The following SAFB2 variants were observed in gnomAD, a reference collection of about 807,000 sequenced individuals.
SAFB2 encodes scaffold attachment factor B2.
SAFB2 carries 32 observed loss-of-function variants against 100.6 expected under a neutral mutation model. That is an observed-to-expected ratio of 0.32 (90% CI 0.24 to 0.43). The LOEUF (loss-of-function observed/expected upper bound fraction) is 0.43, where lower values mean the gene tolerates loss of function less well. Among genes scored for constraint, SAFB2 ranks in the 20% least tolerant of loss-of-function variants. The pLI, the probability that SAFB2 is intolerant of heterozygous loss-of-function variation, is 1.00. For synonymous variants in SAFB2, 500 were observed against 439.4 expected (o/e 1.14, Z -1.72); for missense variants, 1,185 against 1,163.4 (o/e 1.02, Z -0.27).
intron 2 of SAFB2, among the ~76,000 whole-genome samples, chr19:5,620,055 C>G (rs1378998879): frequency 6.6e-6 from 1 of 152,184 alleles, no homozygotes; most frequent in Non-Finnish European, 1.5e-5. Context: ...ATATTTCCTG[C>G]GTAGACCAGT....
In SAFB2 at chr19:5,613,448, A is replaced by C. The variant is rs2052953546; in HGVS notation, c.606+17T>G. 6.2e-7 allele frequency: 1 copy of C among 1,607,158 alleles called. No homozygotes were observed. On this transcript the variant is annotated intron_variant, in intron 5 of 20. Coordinates refer to ENST00000252542, the MANE Select transcript of SAFB2 (RefSeq NM_014649.3). ...CGATTAACATTTCCAGCGATGCAGAACCAGATGGTAACTTACCGGAGTTAC... is the reference window on the plus strand; with the variant it reads ...CGATTAACATTTCCAGCGATGCAGACCCAGATGGTAACTTACCGGAGTTAC...
chr19:5,604,534 G>T, intron 11 of SAFB2, 49 bp downstream of exon 11: 1 of 1,435,668 alleles, frequency 7.0e-7, no homozygotes, highest in Non-Finnish European at 9.8e-7. Context: ...GTGGCTGCCC[G>T]TGCCCTCCTC....
intron 12 of SAFB2, among the ~76,000 whole-genome samples, chr19:5,599,312 G>A (rs1037302424): frequency 1.3e-5 from 2 of 152,172 alleles, no homozygotes. Flanking sequence ...TTGCCAGACG[G>A]GTGGGCTTCC....
chr19:5,613,329 C>T lies in SAFB2; in HGVS notation c.606+136G>A, dbSNP rs1599271608. 5 of 763,808 alleles carry T rather than the reference C, an allele frequency of 6.5e-6. No individual in the cohort carries two copies. The Admixed American group carries it at 1.5e-4, about 23-fold the overall frequency. 47.3% of individuals were successfully genotyped at this position (763,808 alleles called of 1,614,324 possible). The stretch of plus-strand genomic sequence containing the variant: ...GATGGCCAGCCCTGAGACTGTTTCT[C>T]TTCTGCTAACCTCTTAACCCCAGCA... On this transcript the variant is annotated intron_variant, in intron 5 of 20. Transcript: ENST00000252542.
intron 4 of SAFB2, among the ~76,000 whole-genome samples, chr19:5,614,654 A>G (rs1304940155): frequency 2.0e-5 from 3 of 152,246 alleles, no homozygotes; most frequent in African/African-American, 4.8e-5. Flanking sequence ...TAAGGAAACA[A>G]AACAACCTAC....
Position 5,613,526 on chromosome 19 carries a change from A to C in SAFB2, c.545T>G (p.Val182Gly). Residue 182 changes from valine to glycine, a missense_variant and splice_region_variant, in exon 5 of 21, where the codon GTG becomes GGG. By Grantham distance (109) the Val-to-Gly change is moderately radical. Coordinates refer to ENST00000252542, the MANE Select transcript of SAFB2 (RefSeq NM_014649.3). ...AGTGTTCTTAAATCCTTCCCCATCCACCTGAAAAACAAAATGGAAGATGAC... is the reference window on the plus strand; with the variant it reads ...AGTGTTCTTAAATCCTTCCCCATCCCCCTGAAAAACAAAATGGAAGATGAC... Reference protein sequence around the residue: ...QLPAQPPEHAVDGEGFKNTLE... With the variant: ...QLPAQPPEHAGDGEGFKNTLE... The C allele has an allele frequency of 6.2e-7, 1 of 1,613,718 alleles. No individual in the cohort carries two copies.
In SAFB2 at chr19:5,587,739, C is replaced by T. The variant is rs375589751; in HGVS notation, c.2667G>A (p.Ser889=). Residue 889 remains serine (S), a synonymous_variant, in exon 20 of 21, where the codon TCG becomes TCA. Coordinates refer to ENST00000252542, the MANE Select transcript of SAFB2 (RefSeq NM_014649.3). This position sits in a 1 kb window ranked among gnomAD's most constrained non-coding sequence, Gnocchi z 4.9. ...QGGERGLSGP[S]GPGHMASRGG... ...CGCGGCTTGCCATGTGCCCCGGCCC[C>T]GAGGGCCCAGACAGGCCCCTCTCGC... The T allele has an allele frequency of 3.6e-5, 56 of 1,552,416 alleles. No homozygotes were observed. The highest frequency in any genetic ancestry group is 1.5e-4 in the African/African-American group (11 of 73,092).
intron 8 of SAFB2, 134 bp from the exon 9 acceptor site, chr19:5,610,229 A>G (rs369299854): frequency 2.9e-6 from 2 of 696,438 alleles, no homozygotes; most frequent in Admixed American, 2.3e-5. Flanking sequence ...TTTAACGCAC[A>G]CACACATGCC....
At chr19:5,618,718 C>T (rs1025565019) in intron 2 of SAFB2, among the ~76,000 whole-genome samples, 6 of 152,178 alleles carry the variant, frequency 3.9e-5, no homozygotes, top group Non-Finnish European at 8.8e-5. Context: ...CCACATAGGC[C>T]GGAAATAGGA....
At position 5,587,089 on chromosome 19, in the gene SAFB2, A is replaced by T. The variant is rs1470420438; in HGVS notation, c.*154T>A. 8.0e-3 allele frequency: 1,640 copies of T among 204,264 alleles called. No homozygotes were observed. Among genetic ancestry groups the T allele is most frequent in the South Asian group, 0.012 (91 of 7,470 alleles). The allele number at this position is 204,264 out of a possible 1,614,324, so 12.7% of individuals were successfully genotyped here. A position where few individuals can be genotyped will look rare whatever the true frequency, so the allele number is the denominator to read the frequency against. ...TGGCAGAACAAGAACACATTTATTT[A>T]AAAAAAAAAAAAAAGTGAGTTCACA... On this transcript the variant is annotated 3_prime_UTR_variant, in exon 21 of 21. Coordinates refer to ENST00000252542, the MANE Select transcript of SAFB2 (RefSeq NM_014649.3). The surrounding 1 kb of genome is among the most constrained non-coding windows in gnomAD (Gnocchi z 4.9).
chr19:5,616,039 G>A (rs369202539), intron 4 of SAFB2, 93 bp downstream of exon 4: 40 of 1,135,954 alleles, frequency 3.5e-5, no homozygotes, highest in African/African-American at 3.2e-4. Context: ...TGTTCATGGC[G>A]GTTTAGCTGT....
chr19:5,618,844 G>A (rs151282194), intron 2 of SAFB2, among the ~76,000 whole-genome samples: 23 of 152,232 alleles, frequency 1.5e-4, no homozygotes, highest in East Asian at 1.9e-4. Context: ...GGACACAGAT[G>A]TAAGAAAATC....
At chr19:5,596,216 T>C (rs948974713) in intron 13 of SAFB2, among the ~76,000 whole-genome samples, 7 of 152,210 alleles carry the variant, frequency 4.6e-5, no homozygotes, top group African/African-American at 1.7e-4. Context: ...TGAGCTGAGA[T>C]TGCGCCACTG....
At chr19:5,622,147 T>A (rs2053169110) in intron 1 of SAFB2, among the ~76,000 whole-genome samples, 1 of 152,066 alleles carries the variant, frequency 6.6e-6, no homozygotes, top group Admixed American at 6.5e-5. Flanking sequence ...TTCCTGTAAA[T>A]GCTCTGGAGT....
Position 5,594,076 on chromosome 19 carries a change from G to T in SAFB2, c.2022C>A (p.Arg674=), listed in dbSNP as rs778394892. ...CCATGCGCTCCCGCTCCAGCCGCTG[G>T]CGCTGGCACTCGAGCTGCAGGCGTT... is the stretch of plus-strand genomic sequence containing the variant. ...QRERLQLECQ[R]QRLERERMER... The change falls in exon 15 of 21, where the codon CGC becomes CGA. Residue 674 remains arginine (R), a synonymous_variant. Coordinates refer to ENST00000252542, the MANE Select transcript of SAFB2 (RefSeq NM_014649.3). 1 of 1,595,596 alleles carries T rather than the reference G, an allele frequency of 6.3e-7. No individual in the cohort carries two copies.
At chr19:5,597,894 C>CT (rs2052565744) in intron 13 of SAFB2, among the ~76,000 whole-genome samples, 1 of 152,118 alleles carries the variant, frequency 6.6e-6, no homozygotes, top group African/African-American at 2.4e-5. Flanking sequence ...CTTTGGGAGG[C>CT]TGAGGCGGGT....
At position 5,587,492 on chromosome 19, in the gene SAFB2, C is replaced by A; in HGVS notation, c.2706-93G>T. The A allele has an allele frequency of 1.5e-5, 23 of 1,492,936 alleles. No homozygotes were observed. Among genetic ancestry groups the A allele is most frequent in the Non-Finnish European group, 1.9e-5 (21 of 1,115,170 alleles). 92.5% of individuals were successfully genotyped at this position (1,492,936 alleles called of 1,614,324 possible). ...AGTAACGGTCCCGCAGCCTTTAGAGCGCTTGGGTTTTTTTTCCAGGTGAGA... is the reference window on the plus strand; with the variant it reads ...AGTAACGGTCCCGCAGCCTTTAGAGAGCTTGGGTTTTTTTTCCAGGTGAGA... On this transcript the variant is annotated intron_variant, in intron 20 of 20. Coordinates refer to ENST00000252542, the MANE Select transcript of SAFB2 (RefSeq NM_014649.3). This position sits in a 1 kb window ranked among gnomAD's most constrained non-coding sequence, Gnocchi z 4.9.
chr19:5,590,419 G>T lies in SAFB2; in HGVS notation c.2395-11C>A. 6.2e-7 allele frequency: 1 copy of T among 1,602,686 alleles called. No homozygotes were observed. The highest frequency in any genetic ancestry group is 8.5e-7 in the Non-Finnish European group (1 of 1,174,040). ...GTCATCTCCATAGTGCTGGAAGGCAGGAGAGGAACAGGGTGACACTGACCA... is the reference window on the plus strand; with the variant it reads ...GTCATCTCCATAGTGCTGGAAGGCATGAGAGGAACAGGGTGACACTGACCA... On this transcript the variant is annotated splice_polypyrimidine_tract_variant and intron_variant, in intron 17 of 20. Coordinates refer to ENST00000252542, the MANE Select transcript of SAFB2 (RefSeq NM_014649.3).
In SAFB2 at chr19:5,622,723, T is replaced by C. The variant is rs187015987; in HGVS notation, c.-8A>G. 9.7e-4 allele frequency: 1,550 copies of C among 1,595,602 alleles called. 3 individuals carry two copies. Among genetic ancestry groups the C allele is most frequent in the Middle Eastern group, 1.2e-3 (7 of 6,046 alleles). On this transcript the variant is annotated 5_prime_UTR_variant, in exon 1 of 21. Coordinates refer to ENST00000252542, the MANE Select transcript of SAFB2 (RefSeq NM_014649.3). ...GGGCAGAGTCTCCGCCATCGTCGCG[T>C]TCCCGTCTTCGCCACCGACTCAGTC...
Sources: gnomAD v4.1 joint callset for allele counts (sites outside exome capture counted in the v4.1 genomes callset) on GRCh38, gnomAD v4.1.1 for gene constraint, Gnocchi (gnomAD v3.1) non-coding constraint, MANE v1.5 for transcripts, NCBI Gene and HGNC (gene_info 2026-07-23, HGNC 2026-07-21) for gene names.